NELL2: variants seen among roughly 807,000 people sequenced by gnomAD.
NELL2 encodes the protein neural EGFL like 2, also known as protein kinase C-binding protein NELL2.
A neutral mutation model predicts 109.6 loss-of-function variants in NELL2; 41 were observed. The ratio of observed to expected loss-of-function variants is 0.37; its 90% CI spans 0.29 to 0.49. The LOEUF is 0.49. NELL2 is among the 20% of genes least tolerant of loss of function. The pLI is 0.98. For missense variants in NELL2, 900 were observed against 1,008.3 expected (o/e 0.89, Z 1.45); for synonymous variants, 355 against 344.7 (o/e 1.03, Z -0.33).
At chr12:44,824,691 T>G (rs200392502) in intron 2 of NELL2, among the ~76,000 whole-genome samples, 1 of 145,116 alleles carries the variant, frequency 6.9e-6, no homozygotes, top group Non-Finnish European at 1.5e-5. Context: ...ATTTATTTAT[T>G]TATTTATTTT....
intron 13 of NELL2, among the ~76,000 whole-genome samples, chr12:44,619,575 G>A (rs985452928): frequency 3.9e-5 from 6 of 151,974 alleles, no homozygotes; most frequent in African/African-American, 1.5e-4. Flanking sequence ...GTTGAGACAG[G>A]AGTCTGTGCA....
chr12:44,544,126 G>A (rs149304708), intron 15 of NELL2, among the ~76,000 whole-genome samples: 17 of 152,156 alleles, frequency 1.1e-4, no homozygotes, highest in Non-Finnish European at 2.4e-4. Flanking sequence ...TAGTTGATAC[G>A]ATGCGAAATG....
intron 15 of NELL2, among the ~76,000 whole-genome samples, chr12:44,581,231 T>C (rs555092288): frequency 6.6e-6 from 1 of 152,200 alleles, no homozygotes; most frequent in African/African-American, 2.4e-5. Context: ...TACTTTTGTG[T>C]ATGTAAGTTT....
At chr12:44,910,888 T>C (rs1175484438) in intron 1 of NELL2, among the ~76,000 whole-genome samples, 1 of 151,938 alleles carries the variant, frequency 6.6e-6, no homozygotes, top group Non-Finnish European at 1.5e-5. Context: ...CCTAATCACA[T>C]TAATGCAGGA....
At chr12:44,783,985 G>C (rs571475719) in intron 3 of NELL2, among the ~76,000 whole-genome samples, 1 of 152,064 alleles carries the variant, frequency 6.6e-6, no homozygotes, top group East Asian at 1.9e-4. Flanking sequence ...TAATCAAGTG[G>C]GGTTTATTCC....
intron 13 of NELL2, among the ~76,000 whole-genome samples, chr12:44,658,491 A>G (rs1036210434): frequency 6.6e-6 from 1 of 152,204 alleles, no homozygotes. Flanking sequence ...GGAAGAATCA[A>G]TATCATGAAA....
chr12:44,541,692 C>T (rs1942579774), intron 15 of NELL2, among the ~76,000 whole-genome samples: 3 of 152,130 alleles, frequency 2.0e-5, no homozygotes, highest in South Asian at 2.1e-4. Flanking sequence ...CTATTGTCTT[C>T]AGATTGAAAG....
At chr12:44,836,011 T>A (rs2136736789) in intron 2 of NELL2, among the ~76,000 whole-genome samples, 1 of 152,148 alleles carries the variant, frequency 6.6e-6, no homozygotes, top group South Asian at 2.1e-4. Context: ...GGGCATAAGG[T>A]ATGTGGGAGA....
chr12:44,520,944 A>G lies in NELL2; in HGVS notation c.2176-715T>C, dbSNP rs374040120. ...TTCCATTGATTTTTGGGTTGAAAGT[A>G]TAAAAAGGAAGGAACAAAAAAGCTT... is the stretch of plus-strand genomic sequence containing the variant. On this transcript the variant is annotated intron_variant, in intron 18 of 19. Coordinates refer to ENST00000429094, the MANE Select transcript of NELL2 (RefSeq NM_001145108.2). Among the ~76,000 whole-genome samples the G allele has an allele frequency of 7.4e-4, 113 of 152,340 alleles. 3 individuals carry two copies. The South Asian group carries it at 0.023, about 31-fold the overall frequency.
chr12:44,715,232 T>C (rs1007655549), intron 9 of NELL2, among the ~76,000 whole-genome samples: 8 of 150,310 alleles, frequency 5.3e-5, no homozygotes, highest in Admixed American at 2.7e-4. Context: ...TTTTATGGTT[T>C]AGTGTCATTT....
intron 5 of NELL2, among the ~76,000 whole-genome samples, chr12:44,778,206 T>C (rs1265949461): frequency 3.9e-5 from 6 of 152,234 alleles, no homozygotes; most frequent in Non-Finnish European, 7.3e-5. Flanking sequence ...ATCAATATAA[T>C]TTTAAACGTA....
chr12:44,635,256 T>A (rs1592243601), intron 13 of NELL2, among the ~76,000 whole-genome samples: 1 of 152,212 alleles, frequency 6.6e-6, no homozygotes, highest in African/African-American at 2.4e-5. Flanking sequence ...GATGATAGTT[T>A]CTTTTGCTGT....
At chr12:44,633,106 CAAAAG>C (rs1946515450) in intron 13 of NELL2, among the ~76,000 whole-genome samples, 1 of 151,722 alleles carries the variant, frequency 6.6e-6, no homozygotes. Context: ...TGTAGTTAGG[CAAAAG>C]AAAAGTCTGA....
At chr12:44,579,726 T>C (rs759206162) in intron 15 of NELL2, among the ~76,000 whole-genome samples, 5 of 152,104 alleles carry the variant, frequency 3.3e-5, no homozygotes, top group Non-Finnish European at 7.3e-5. Flanking sequence ...ATCAATAGGG[T>C]CAGTTATTTT....
At chr12:44,586,626 G>C (rs912299006) in intron 15 of NELL2, among the ~76,000 whole-genome samples, 1 of 152,100 alleles carries the variant, frequency 6.6e-6, no homozygotes, top group Non-Finnish European at 1.5e-5. Context: ...TGACCTGATA[G>C]TGTCTTAAGC....
intron 18 of NELL2, among the ~76,000 whole-genome samples, chr12:44,521,254 A>G (rs1305491209): frequency 1.3e-5 from 2 of 152,252 alleles, no homozygotes; most frequent in African/African-American, 4.8e-5. Context: ...GCCCATCAGA[A>G]GCATTGAAAA....
intron 3 of NELL2, among the ~76,000 whole-genome samples, chr12:44,791,205 T>TATAC (rs1216932028): frequency 1.3e-5 from 1 of 75,754 alleles, no homozygotes; most frequent in Non-Finnish European, 2.6e-5. Context: ...TATATATATA[T>TATAC]ATATATATAT....
chr12:44,838,240 C>G (rs968600415), intron 2 of NELL2, among the ~76,000 whole-genome samples: 1 of 152,042 alleles, frequency 6.6e-6, no homozygotes, highest in Non-Finnish European at 1.5e-5. Flanking sequence ...AATATGGTAA[C>G]AAAATTTGGT....
intron 13 of NELL2, among the ~76,000 whole-genome samples, chr12:44,644,627 CATACATATATATATATATATAT>C (rs1566077960): frequency 5.2e-4 from 30 of 58,088 alleles, no homozygotes; most frequent in East Asian, 1.9e-3. Flanking sequence ...TATATATATA[CATACATATATATATATATATAT>C]ACACACACAC....
Sources: gnomAD v4.1 joint callset for allele counts (sites outside exome capture counted in the v4.1 genomes callset) on GRCh38, gnomAD v4.1.1 for gene constraint, MANE v1.5 for transcripts, NCBI Gene and HGNC (gene_info 2026-07-23, HGNC 2026-07-21) for gene names.